The following KAT8 variants were observed in gnomAD, a reference collection of about 807,000 sequenced individuals.
KAT8 encodes the protein histone acetyltransferase KAT8.
KAT8 carries 40 observed loss-of-function variants against 62.9 expected under a neutral mutation model. The observed-to-expected ratio is 0.64, with a 90% CI of 0.49 to 0.83. The LOEUF is 0.83. Ranked by LOEUF, KAT8 falls within the 40% of genes least tolerant of loss-of-function variation. The pLI is 0.00. For missense variants in KAT8, 387 were observed against 614.8 expected (o/e 0.63, Z 3.92); for synonymous variants, 278 against 254.5 (o/e 1.09, Z -0.88).
At chr16:31,124,752 G>T (rs1221767413) in intron 3 of KAT8, among the ~76,000 whole-genome samples, 1 of 79,434 alleles carries the variant, frequency 1.3e-5, no homozygotes, top group African/African-American at 4.5e-5. Context: ...AAAAAAAAAA[G>T]GCTATGGCTC....
chr16:31,120,152 C>T (rs972287543), intron 1 of KAT8, 34 bp from the exon 2 acceptor site: 2 of 1,588,524 alleles, frequency 1.3e-6, no homozygotes, highest in Non-Finnish European at 1.7e-6. Flanking sequence ...TCCAGCCTTA[C>T]CTTCCTGATG....
At chr16:31,131,028 C>G (rs1192569036) in intron 10 of KAT8, 128 bp downstream of exon 10, 2 of 1,505,186 alleles carry the variant, frequency 1.3e-6, no homozygotes, top group East Asian at 2.5e-5. Flanking sequence ...AGGATGGAGC[C>G]CGGGGCAGGC....
chr16:31,122,487 T>C (rs1285246022), intron 3 of KAT8: 4 of 152,194 alleles, frequency 2.6e-5, no homozygotes, highest in East Asian at 1.9e-4. Context: ...TCGAACTTCC[T>C]ATTGTAATGG....
At chr16:31,131,041 C>G in intron 10 of KAT8, 141 bp downstream of exon 10, 1 of 1,504,130 alleles carries the variant, frequency 6.6e-7, no homozygotes, top group Non-Finnish European at 8.9e-7. Context: ...GGGCAGGCCT[C>G]TCATTCCTGG....
At chr16:31,119,427 C>T (rs373844585) in intron 1 of KAT8, among the ~76,000 whole-genome samples, 2 of 152,132 alleles carry the variant, frequency 1.3e-5, no homozygotes, top group Non-Finnish European at 1.5e-5. Context: ...GGATTACAGG[C>T]GTGAGCCACG....
In KAT8 at chr16:31,130,026, CAG is replaced by C; in HGVS notation, c.783_784del (p.Asn262ProfsTer12). 6.2e-7 allele frequency: 1 copy of C among 1,614,214 alleles called. No individual in the cohort carries two copies. Among genetic ancestry groups the C allele is most frequent in the Non-Finnish European group, 8.5e-7 (1 of 1,180,034 alleles). On this transcript the variant is annotated frameshift_variant, in exon 7 of 11. Coordinates refer to ENST00000219797, the MANE Select transcript of KAT8 (RefSeq NM_032188.3). LOFTEE classifies it high-confidence loss of function. ...VDGKDHKIYC[Q>X]NLCLLAKLFL... is the part of the protein sequence containing the mutation. Reference sequence around the variant, plus strand: ...CCCTCCTCAACCCTAGATTTACTGTCAGAACCTGTGTCTGCTGGCCAAGCTTT... The same window carrying C: ...CCCTCCTCAACCCTAGATTTACTGTCAACCTGTGTCTGCTGGCCAAGCTTT...
chr16:31,120,703 T>G (rs1225270312), intron 3 of KAT8, 189 bp downstream of exon 3: 1 of 564,710 alleles, frequency 1.8e-6, no homozygotes, highest in East Asian at 2.9e-5. Flanking sequence ...GGGTAAGGGC[T>G]TCGCTGCAGT....
intron 3 of KAT8, chr16:31,126,739 C>T (rs1227873720): frequency 5.0e-6 from 2 of 401,402 alleles, no homozygotes; most frequent in Admixed American, 4.0e-5. Flanking sequence ...AGCTGGATTG[C>T]CCCCCATCGT....
rs754794734 is a variant in KAT8, at chr16:31,117,681, G to A, written c.-1G>A. ...ATTCTGGCGTCACTTCCCTTCCCGCGATGGCGGCACAGGGAGCTGCTGCGG... is the reference window on the plus strand; with the variant it reads ...ATTCTGGCGTCACTTCCCTTCCCGCAATGGCGGCACAGGGAGCTGCTGCGG... On this transcript the variant is annotated 5_prime_UTR_variant, in exon 1 of 11. Coordinates refer to ENST00000219797, the MANE Select transcript of KAT8 (RefSeq NM_032188.3). 1.4e-6 allele frequency: 2 copies of A among 1,389,464 alleles called. No homozygotes were observed. The highest frequency in any genetic ancestry group is 1.5e-5 in the African/African-American group (1 of 65,822). The allele number at this position is 1,389,464 out of a possible 1,614,324, so 86.1% of individuals were successfully genotyped here.
intron 1 of KAT8, chr16:31,118,679 CA>C (rs1424948149): frequency 6.6e-6 from 1 of 152,090 alleles, no homozygotes; most frequent in East Asian, 1.9e-4. Flanking sequence ...CTTCCTCCAT[CA>C]TACTGGGAAC....
chr16:31,130,428 C>T (rs1567437583), intron 8 of KAT8, 28 bp from the exon 9 acceptor site: 1 of 1,614,088 alleles, frequency 6.2e-7, no homozygotes, highest in Admixed American at 1.7e-5. Flanking sequence ...CAGGCTGGAT[C>T]CTAAGTTCCT....
In KAT8 at chr16:31,117,718, G is replaced by A. The variant is rs1596815626; in HGVS notation, c.37G>A (p.Gly13Arg). The A allele has an allele frequency of 1.4e-6, 2 of 1,383,878 alleles. No homozygotes were observed. The highest frequency in any genetic ancestry group is 1.9e-6 in the Non-Finnish European group (2 of 1,063,374). The allele number at this position is 1,383,878 out of a possible 1,614,324, so 85.7% of individuals were successfully genotyped here. The change falls in exon 1 of 11, where the codon GGG (glycine) becomes AGG (arginine). Residue 13 changes from glycine to arginine, a missense_variant. By Grantham distance (125) the Gly-to-Arg change is moderately radical (BLOSUM62 -2). Transcript: ENST00000219797. ...GGGAGCTGCTGCGGCGGTTGCGGCG[G>A]GGACTTCAGGGGTCGCGGGGGAGGG... ...AQGAAAAVAA[G>R]TSGVAGEGEP...
At chr16:31,126,359 G>C (rs138392269) in intron 3 of KAT8, 1 of 152,624 alleles carries the variant, frequency 6.6e-6, no homozygotes, top group African/African-American at 2.4e-5. Context: ...ATTCCAGAGA[G>C]GGCCCAATTC....
intron 3 of KAT8, chr16:31,125,619 A>AT (rs1352500915): frequency 2.6e-5 from 4 of 152,718 alleles, no homozygotes; most frequent in African/African-American, 9.7e-5. Context: ...AAAAAAAAAA[A>AT]AAAAAAGAAA....
intron 1 of KAT8, 96 bp downstream of exon 1, chr16:31,117,988 G>C (rs1350848391): frequency 5.1e-6 from 5 of 974,902 alleles, no homozygotes; most frequent in Non-Finnish European, 6.8e-6. Context: ...CCAAGATCCG[G>C]GGGCTGGGAG....
At chr16:31,121,615 T>A (rs536244972) in intron 3 of KAT8, among the ~76,000 whole-genome samples, 1 of 152,284 alleles carries the variant, frequency 6.6e-6, no homozygotes, top group African/African-American at 2.4e-5. Flanking sequence ...TCTTGGTGTG[T>A]TGCTCAGGCT....
intron 1 of KAT8, chr16:31,118,677 A>G (rs1182113952): frequency 6.6e-6 from 1 of 151,808 alleles, no homozygotes; most frequent in Non-Finnish European, 1.5e-5. Flanking sequence ...GTCTTCCTCC[A>G]TCATACTGGG....
intron 3 of KAT8, chr16:31,122,335 C>T (rs1158140495): frequency 6.6e-6 from 1 of 152,174 alleles, no homozygotes; most frequent in African/African-American, 2.4e-5. Context: ...TTGTTCCAGC[C>T]TTACCTTCCC....
At chr16:31,131,362 C>A, downstream of KAT8, 1 of 1,393,202 alleles carries the variant, frequency 7.2e-7, no homozygotes, top group South Asian at 1.2e-5. Context: ...TTCTGGTGGC[C>A]CTGGACTTTG....
Sources: gnomAD v4.1 joint callset for allele counts (sites outside exome capture counted in the v4.1 genomes callset) on GRCh38, gnomAD v4.1.1 for gene constraint, MANE v1.5 for transcripts, NCBI Gene and HGNC (gene_info 2026-07-23, HGNC 2026-07-21) for gene names.